The following NEDD4L variants were observed in gnomAD, a reference collection of about 807,000 sequenced individuals.
NEDD4L encodes E3 ubiquitin-protein ligase NEDD4-like.
A neutral mutation model predicts 148.9 loss-of-function variants in NEDD4L; 54 were observed. That is an observed-to-expected ratio of 0.36 (90% CI 0.29 to 0.45). The LOEUF (loss-of-function observed/expected upper bound fraction) is 0.45. Ranked by LOEUF, NEDD4L falls within the 20% of genes least tolerant of loss-of-function variation. The pLI is 1.00. For synonymous variants in NEDD4L, 433 were observed against 440.7 expected, an observed-to-expected ratio of 0.98 and a Z score of 0.22; for missense variants, 856 against 1,233.8, an observed-to-expected ratio of 0.69 and a Z score of 4.59.
chr18:58,212,601 A>G (rs534297813), intron 2 of NEDD4L, among the ~76,000 whole-genome samples: 24 of 152,264 alleles, frequency 1.6e-4, no homozygotes, highest in African/African-American at 5.5e-4. Flanking sequence ...TGAGATTTGC[A>G]TGGGGACACA....
chr18:58,201,646 T>A (rs988665995), intron 2 of NEDD4L, among the ~76,000 whole-genome samples: 7 of 152,246 alleles, frequency 4.6e-5, no homozygotes, highest in African/African-American at 1.7e-4. Context: ...TATGTTCTTA[T>A]TACGTTCGTG....
chr18:58,057,805 C>G (rs1037700553), intron 1 of NEDD4L, among the ~76,000 whole-genome samples: 3 of 152,160 alleles, frequency 2.0e-5, no homozygotes, highest in Non-Finnish European at 4.4e-5. Flanking sequence ...CTAATCCCCA[C>G]CACATCTGCC....
chr18:58,235,956 C>A (rs573225763), intron 2 of NEDD4L, among the ~76,000 whole-genome samples: 2 of 152,146 alleles, frequency 1.3e-5, no homozygotes, highest in Non-Finnish European at 2.9e-5. Context: ...TCGCTTGAAC[C>A]TGGGAGGCGG....
At chr18:58,225,141 G>A (rs995047782) in intron 2 of NEDD4L, among the ~76,000 whole-genome samples, 2 of 152,304 alleles carry the variant, frequency 1.3e-5, no homozygotes, top group East Asian at 1.9e-4. Context: ...GGGGTATTGG[G>A]GGGGAAGAGA....
chr18:58,119,266 G>C (rs1598914618), intron 1 of NEDD4L, among the ~76,000 whole-genome samples: 1 of 152,260 alleles, frequency 6.6e-6, no homozygotes, highest in Non-Finnish European at 1.5e-5. Context: ...CTTTGCCAAA[G>C]TCCAGTTGCC....
chr18:58,193,341 A>T (rs1224437538), intron 2 of NEDD4L, among the ~76,000 whole-genome samples: 1 of 152,156 alleles, frequency 6.6e-6, no homozygotes, highest in Non-Finnish European at 1.5e-5. Context: ...TTCTGTGATA[A>T]TTCCTATCTT....
At chr18:58,083,483 C>T (rs575777441) in intron 1 of NEDD4L, among the ~76,000 whole-genome samples, 9 of 152,156 alleles carry the variant, frequency 5.9e-5, no homozygotes, top group Middle Eastern at 3.4e-3. Context: ...GTCAGGAGAT[C>T]GAGACCATCC....
chr18:58,333,437 GT>G (rs1175627687), intron 11 of NEDD4L, among the ~76,000 whole-genome samples: 1 of 152,012 alleles, frequency 6.6e-6, no homozygotes, highest in Non-Finnish European at 1.5e-5. Flanking sequence ...TATTTCTTCC[GT>G]CTATTCACAT....
At chr18:58,385,138 C>T (rs1351370009) in intron 25 of NEDD4L, among the ~76,000 whole-genome samples, 2 of 152,108 alleles carry the variant, frequency 1.3e-5, no homozygotes, top group Non-Finnish European at 2.9e-5. Context: ...GGTGTGTATA[C>T]GGGTGTGTGC....
chr18:58,355,272 G>A (rs1227855287), intron 18 of NEDD4L, among the ~76,000 whole-genome samples: 1 of 152,162 alleles, frequency 6.6e-6, no homozygotes, highest in Non-Finnish European at 1.5e-5. Flanking sequence ...GGGTTGGTCC[G>A]GGACCACCAG....
chr18:58,123,776 A>T (rs1315911597), intron 1 of NEDD4L, among the ~76,000 whole-genome samples: 1 of 152,234 alleles, frequency 6.6e-6, no homozygotes, highest in East Asian at 1.9e-4. Context: ...GAAGCCGTTC[A>T]GTCAGTGAGA....
At chr18:58,373,356 C>T (rs1282009616) in intron 24 of NEDD4L, 87 bp downstream of exon 24, 2 of 747,484 alleles carry the variant, frequency 2.7e-6, no homozygotes, top group African/African-American at 1.7e-5. Context: ...TTTGCTGGAC[C>T]ATCAGAAACA....
chr18:58,239,511 G>GA (rs1427172009), intron 2 of NEDD4L, among the ~76,000 whole-genome samples: 1 of 151,826 alleles, frequency 6.6e-6, no homozygotes, highest in Non-Finnish European at 1.5e-5. Flanking sequence ...CTCCCCTTAC[G>GA]ACCCTGCCCC....
chr18:58,257,984 GTCT>G (rs1361531520), intron 5 of NEDD4L, among the ~76,000 whole-genome samples: 3 of 152,174 alleles, frequency 2.0e-5, no homozygotes, highest in Non-Finnish European at 2.9e-5. Context: ...GAATTGTATT[GTCT>G]TTTATTGCTT....
intron 1 of NEDD4L, among the ~76,000 whole-genome samples, chr18:58,120,085 C>T (rs922398738): frequency 2.0e-5 from 3 of 152,218 alleles, no homozygotes; most frequent in Non-Finnish European, 4.4e-5. Flanking sequence ...TCGGCCTCTC[C>T]AGTCTCTGGA....
intron 24 of NEDD4L, among the ~76,000 whole-genome samples, chr18:58,374,459 C>G (rs879466006): frequency 6.6e-6 from 1 of 152,110 alleles, no homozygotes; most frequent in Non-Finnish European, 1.5e-5. Context: ...CCCCACTGCC[C>G]CCCTTTCCCG....
rs75801622 is a variant in NEDD4L at position 58,114,411 on chromosome 18, A to G, written c.49-51377A>G. ...ATATAAAGTAAAAAGCAGGAAGTCT[A>G]TGTGTGTGCCAGGGGATCCCAAACT... On this transcript the variant is annotated intron_variant, in intron 1 of 30. Transcript: ENST00000400345. Among the ~76,000 whole-genome samples the G allele has an allele frequency of 1.4e-3, 217 of 152,282 alleles. 2 individuals carry two copies. The highest frequency in any genetic ancestry group is 5.2e-3 in the South Asian group (25 of 4,820).
At position 58,216,730 on chromosome 18, in the gene NEDD4L, A is replaced by G. The variant is rs144445544; in HGVS notation, c.123-28697A>G. Among the ~76,000 whole-genome samples, 26 of 152,248 alleles carry G rather than the reference A, an allele frequency of 1.7e-4. No individual in the cohort carries two copies. The East Asian group carries it at 2.9e-3, about 17-fold the overall frequency. ...CTTTTAGGTCTAAGGCATCCCTTAG[A>G]TCTCCAAGTGGATGTGTGAAGATGG... On this transcript the variant is annotated intron_variant, in intron 2 of 30. Coordinates refer to ENST00000400345, the MANE Select transcript of NEDD4L (RefSeq NM_001144967.3).
intron 1 of NEDD4L, among the ~76,000 whole-genome samples, chr18:58,066,417 G>A (rs982400536): frequency 1.3e-5 from 1 of 77,322 alleles, no homozygotes; most frequent in Non-Finnish European, 2.8e-5. Context: ...TTTTAACGGA[G>A]TCTCTCTCTT....
Sources: gnomAD v4.1 joint callset for allele counts (sites outside exome capture counted in the v4.1 genomes callset) on GRCh38, gnomAD v4.1.1 for gene constraint, MANE v1.5 for transcripts, NCBI Gene and HGNC (gene_info 2026-07-23, HGNC 2026-07-21) for gene names.